Variants in DMD observed in about 807,000 individuals in gnomAD.
The protein encoded by DMD is dystrophin, also known as mutant dystrophin.
A neutral mutation model predicts 330.1 loss-of-function variants in DMD; 63 were observed. The observed-to-expected ratio is 0.19, with a 90% CI of 0.16 to 0.24. DMD has a LOEUF of 0.24. DMD is among the 10% of genes least tolerant of loss of function. DMD has a pLI of 1.00. For missense variants in DMD, 3,344 were observed against 2,684.1 expected (o/e 1.25, Z -5.43); for synonymous variants, 1,223 against 959.8 (o/e 1.27, Z -5.07).
chrX:32,820,359 A>G (rs377259374), intron 5 of DMD, among the ~76,000 whole-genome samples: 1,281 of 111,288 alleles, frequency 0.012, 16 homozygotes, highest in African/African-American at 0.039. Flanking sequence ...AGAGAATGGC[A>G]TGAACCCAGG....
chrX:32,420,365 C>G (rs981698427), intron 29 of DMD, among the ~76,000 whole-genome samples: 1 of 111,660 alleles, frequency 9.0e-6, no homozygotes, highest in African/African-American at 3.3e-5. Flanking sequence ...AGACAAAAGT[C>G]CAAATCTGGG....
Position 32,698,778 on chromosome X carries a change from T to C in DMD, c.831+334A>G, listed in dbSNP as rs148712216. ...ATCTTTCTCTAGCTCTTTGTTCTAG[T>C]TGATGAAGATTTTAGAGTTTAATAT... On this transcript the variant is annotated intron_variant, in intron 8 of 78. Transcript: ENST00000357033. Among the ~76,000 whole-genome samples, 47 of 111,864 alleles carry C rather than the reference T, an allele frequency of 4.2e-4. No homozygotes were observed. In the East Asian group the frequency reaches 0.012, roughly 27 times the overall value.
chrX:31,790,496 C>T (rs909437550), intron 50 of DMD, among the ~76,000 whole-genome samples: 8 of 111,524 alleles, frequency 7.2e-5, no homozygotes, highest in Non-Finnish European at 7.5e-5. Flanking sequence ...TTTATAAAAA[C>T]GTAAGCTATC....
chrX:33,319,414 G>A (rs1329240527), intron 1 of DMD, among the ~76,000 whole-genome samples: 1 of 111,077 alleles, frequency 9.0e-6, no homozygotes, highest in African/African-American at 3.3e-5. Flanking sequence ...AATCTGGGAT[G>A]AAATCCCATA....
intron 28 of DMD, 80 bp from the exon 29 acceptor site, chrX:32,438,470 C>G: frequency 9.4e-7 from 1 of 1,065,323 alleles, no homozygotes; most frequent in Non-Finnish European, 1.3e-6. Context: ...TCAGTATCTT[C>G]TGATTTACAT....
chrX:31,265,453 T>C (rs1256659055), intron 62 of DMD, among the ~76,000 whole-genome samples: 4 of 111,799 alleles, frequency 3.6e-5, no homozygotes, highest in African/African-American at 1.3e-4. Flanking sequence ...CATTTTATTC[T>C]GTCTGGCTAA....
chrX:31,338,999 C>T (rs769859075), intron 61 of DMD, among the ~76,000 whole-genome samples: 1 of 107,713 alleles, frequency 9.3e-6, no homozygotes, highest in African/African-American at 3.4e-5. Context: ...TTGCCAATTT[C>T]CATGGAGTAA....
At chrX:31,602,637 C>T (rs778051126) in intron 55 of DMD, among the ~76,000 whole-genome samples, 4 of 111,197 alleles carry the variant, frequency 3.6e-5, no homozygotes, top group Non-Finnish European at 5.7e-5. Flanking sequence ...TTGAAGAAAA[C>T]GGCTGTTTTG....
chrX:32,454,927 G>C lies in DMD; in HGVS notation c.3433-95C>G, dbSNP rs558277208. 9.0e-6 allele frequency: 9 copies of C among 1,001,432 alleles called. No homozygotes were observed. The South Asian group carries it at 1.8e-4, about 20-fold the overall frequency. The allele number at this position is 1,001,432 out of a possible 1,213,427, so 82.5% of individuals were successfully genotyped here. ...CAGTATGTAAATAACAGAAAGCTTA[G>C]ATAGTAATGATAAAGAAGTAAAAAG... On this transcript the variant is annotated intron_variant, in intron 25 of 78. Coordinates refer to ENST00000357033, the MANE Select transcript of DMD (RefSeq NM_004006.3).
At chrX:32,701,563 T>A (rs1230795289) in intron 7 of DMD, among the ~76,000 whole-genome samples, 3 of 111,536 alleles carry the variant, frequency 2.7e-5, no homozygotes, top group Non-Finnish European at 5.7e-5. Flanking sequence ...TACTTCACCG[T>A]ATCTTGAAAT....
intron 1 of DMD, among the ~76,000 whole-genome samples, chrX:33,111,867 TC>T (rs1479986735): frequency 9.0e-6 from 1 of 111,338 alleles, no homozygotes; most frequent in African/African-American, 3.3e-5. Flanking sequence ...TGCCTCGGCC[TC>T]CCAAAGTGCT....
intron 45 of DMD, among the ~76,000 whole-genome samples, chrX:31,949,229 A>G (rs1005371571): frequency 1.8e-5 from 2 of 111,566 alleles, no homozygotes; most frequent in Admixed American, 9.5e-5. Flanking sequence ...CATTAAATCT[A>G]TAGAACAAGT....
chrX:33,035,208 C>CT (rs200173481), intron 1 of DMD, among the ~76,000 whole-genome samples: 7 of 110,898 alleles, frequency 6.3e-5, no homozygotes, highest in Admixed American at 2.9e-4. Context: ...CTTTACTTTG[C>CT]TTTTTTTTAC....
chrX:31,508,736 T>G (rs1423767849), intron 55 of DMD, among the ~76,000 whole-genome samples: 1 of 111,550 alleles, frequency 9.0e-6, no homozygotes, highest in Non-Finnish European at 1.9e-5. Flanking sequence ...AAAAATTCAT[T>G]CTGAAGCTCC....
intron 45 of DMD, among the ~76,000 whole-genome samples, chrX:31,950,831 A>T (rs145983957): frequency 0.033 from 3,620 of 108,505 alleles, 68 homozygotes; most frequent in Non-Finnish European, 0.053. Context: ...TTTGCATAGT[A>T]CCTCTTTTTT....
At chrX:31,739,983 C>A (rs2087193979) in intron 51 of DMD, among the ~76,000 whole-genome samples, 1 of 108,976 alleles carries the variant, frequency 9.2e-6, no homozygotes, top group African/African-American at 3.3e-5. Flanking sequence ...TGGTCCTTTC[C>A]AAGCTATTAT....
At chrX:33,168,837 A>C (rs746623844) in intron 1 of DMD, among the ~76,000 whole-genome samples, 2 of 110,603 alleles carry the variant, frequency 1.8e-5, no homozygotes, top group Non-Finnish European at 3.8e-5. Flanking sequence ...ATATTCCCTA[A>C]GTAAAATAAT....
chrX:32,497,152 G>A (rs2043573160), intron 19 of DMD, among the ~76,000 whole-genome samples: 1 of 111,639 alleles, frequency 9.0e-6, no homozygotes, highest in Non-Finnish European at 1.9e-5. Context: ...CATAATTCAT[G>A]TGAAATTATC....
intron 51 of DMD, among the ~76,000 whole-genome samples, chrX:31,760,557 G>A (rs1456037726): frequency 8.9e-6 from 1 of 111,849 alleles, no homozygotes; most frequent in Non-Finnish European, 1.9e-5. Flanking sequence ...TTATAGCCTA[G>A]GAGCAATAGG....
Sources: gnomAD v4.1 joint callset for allele counts (sites outside exome capture counted in the v4.1 genomes callset) on GRCh38, gnomAD v4.1.1 for gene constraint, MANE v1.5 for transcripts, NCBI Gene and HGNC (gene_info 2026-07-23, HGNC 2026-07-21) for gene names.